The following TUBA3C variants were observed in gnomAD, a reference collection of about 807,000 sequenced individuals.
The protein encoded by TUBA3C is tubulin alpha 3c.
Under a neutral mutation model 33.4 loss-of-function variants are expected in TUBA3C, and 23 were observed. The observed-to-expected ratio is 0.69, with a 90% CI of 0.50 to 0.98. The LOEUF (loss-of-function observed/expected upper bound fraction) is 0.98. TUBA3C is among the 50% of genes least tolerant of loss of function. The pLI, the probability that TUBA3C is intolerant of heterozygous loss-of-function variation, is 0.00. For missense variants in TUBA3C, 402 were observed against 616.0 expected, an observed-to-expected ratio of 0.65 and a Z score of 3.68; for synonymous variants, 269 against 250.4, an observed-to-expected ratio of 1.07 and a Z score of -0.70.
In TUBA3C at chr13:19,181,594, C is replaced by G; in HGVS notation, c.3+151G>C. 8 of 1,145,628 alleles carry G rather than the reference C, an allele frequency of 7.0e-6. No individual in the cohort carries two copies. In the South Asian group the frequency reaches 1.0e-4, roughly 15 times the overall value. The allele number at this position is 1,145,628 out of a possible 1,614,324, so 71.0% of individuals were successfully genotyped here. On this transcript the variant is annotated intron_variant, in intron 1 of 4. Transcript: ENST00000400113. ...CAGACCCAGCAGACGATGCCGTGTC[C>G]TCGTGTCCCGCCCTGGGCCCCGCAT... is the stretch of plus-strand genomic sequence containing the variant.
At chr13:19,179,220 G>A in intron 2 of TUBA3C, 121 bp downstream of exon 2, 1 of 1,442,628 alleles carries the variant, frequency 6.9e-7, no homozygotes. Context: ...TAACACCATG[G>A]GAATATGCTT....
intron 4 of TUBA3C, among the ~76,000 whole-genome samples, 169 bp downstream of exon 4, chr13:19,176,758 A>AAAAAAAAAAAAAAAC (rs1869196961): frequency 6.9e-6 from 1 of 144,096 alleles, no homozygotes; most frequent in Non-Finnish European, 1.5e-5. Context: ...AAAAAAAAAA[A>AAAAAAAAAAAAAAAC]AGACATCACT....
At chr13:19,174,399 G>T (rs896211899) in intron 4 of TUBA3C, among the ~76,000 whole-genome samples, 1 of 151,336 alleles carries the variant, frequency 6.6e-6, no homozygotes, top group Non-Finnish European at 1.5e-5. Flanking sequence ...CTCCCAAAGT[G>T]CTAGGATTAC....
chr13:19,174,292 G>C (rs190363108), intron 4 of TUBA3C, 133 bp from the exon 5 acceptor site: 51 of 1,321,190 alleles, frequency 3.9e-5, no homozygotes, highest in Non-Finnish European at 5.1e-5. Flanking sequence ...ATGTCACTAA[G>C]CCCTTCTCTG....
intron 4 of TUBA3C, among the ~76,000 whole-genome samples, 162 bp from the exon 5 acceptor site, chr13:19,174,321 T>C (rs1869108109): frequency 6.6e-6 from 1 of 152,064 alleles, no homozygotes; most frequent in South Asian, 2.1e-4. Context: ...AGGGTGACAG[T>C]TCCAGACAAC....
intron 1 of TUBA3C, 83 bp downstream of exon 1, chr13:19,181,662 C>T: frequency 1.9e-6 from 3 of 1,583,440 alleles, no homozygotes; most frequent in East Asian, 2.2e-5. Flanking sequence ...GCAACAGCAT[C>T]CCTCCATCCA....
In TUBA3C at chr13:19,178,275, C is replaced by T. The variant is rs746010175; in HGVS notation, c.346G>A (p.Asp116Asn). ...TTGCGGATCCGGTCCAGGACCAGGT[C>T]GACGATCTCCTTGCCGATGGTGTAA... Reference protein sequence around the residue: ...GHYTIGKEIVDLVLDRIRKLA... With the variant: ...GHYTIGKEIVNLVLDRIRKLA... The change falls in exon 3 of 5, where the codon GAC becomes AAC. Residue 116 changes from aspartate to asparagine, a missense_variant. Coordinates refer to ENST00000400113, the MANE Select transcript of TUBA3C (RefSeq NM_006001.3). 1.2e-6 allele frequency: 2 copies of T among 1,614,152 alleles called. No homozygotes were observed. The highest frequency in any genetic ancestry group is 4.5e-5 in the East Asian group (2 of 44,880).
At chr13:19,181,178 G>C (rs888588363) in intron 1 of TUBA3C, among the ~76,000 whole-genome samples, 1 of 151,088 alleles carries the variant, frequency 6.6e-6, no homozygotes, top group Non-Finnish European at 1.5e-5. Flanking sequence ...TCAGCCTCCC[G>C]AGTAGCTGGA....
intron 4 of TUBA3C, among the ~76,000 whole-genome samples, chr13:19,176,107 G>A (rs1869170304): frequency 6.6e-6 from 1 of 151,114 alleles, no homozygotes; most frequent in South Asian, 2.1e-4. Flanking sequence ...GTGACAGGTG[G>A]GATTCTGTCT....
In TUBA3C at chr13:19,177,168, T is replaced by C; in HGVS notation, c.815A>G (p.Tyr272Cys). Residue 272 changes from tyrosine to cysteine, a missense_variant, in exon 4 of 5, where the codon TAC becomes TGC. Tyr to Cys is a radical substitution (Grantham distance 194, BLOSUM62 -2). Coordinates refer to ENST00000400113, the MANE Select transcript of TUBA3C (RefSeq NM_006001.3). The surrounding 1 kb of genome is among the most constrained non-coding windows in gnomAD (Gnocchi z 5.0). ...YPRIHFPLAT[Y>C]APVISAEKAY... ...CTTCTCGGCTGAGATGACCGGGGCG[T>C]AGGTGGCCAGGGGGAAGTGGATGCG... is the stretch of plus-strand genomic sequence containing the variant. 1 of 1,613,744 alleles carries C rather than the reference T, an allele frequency of 6.2e-7. No homozygotes were observed. Among genetic ancestry groups the C allele is most frequent in the South Asian group, 1.1e-5 (1 of 91,032 alleles).
At chr13:19,180,673 T>A (rs983748721) in intron 1 of TUBA3C, among the ~76,000 whole-genome samples, 3 of 151,958 alleles carry the variant, frequency 2.0e-5, no homozygotes, top group Admixed American at 6.6e-5. Context: ...TTTTTTGTAT[T>A]TTTAGTAGAG....
In TUBA3C at chr13:19,181,767, G is replaced by C; in HGVS notation, c.-20C>G. The stretch of plus-strand genomic sequence containing the variant: ...TACCATGTTGAGCTCCTCCGCTGCC[G>C]CAGCCCAACGCTACTACTTGACCTC... On this transcript the variant is annotated 5_prime_UTR_variant, in exon 1 of 5. Coordinates refer to ENST00000400113, the MANE Select transcript of TUBA3C (RefSeq NM_006001.3). 6.2e-7 allele frequency: 1 copy of C among 1,601,802 alleles called. No homozygotes were observed. Among genetic ancestry groups the C allele is most frequent in the East Asian group, 2.2e-5 (1 of 44,840 alleles).
At position 19,177,143 on chromosome 13, in the gene TUBA3C, CTT is replaced by C; in HGVS notation, c.838_839del (p.Lys280GlyfsTer10). ...CCACGGACAGCTGCTCGTGGTAGGC[CTT>C]CTCGGCTGAGATGACCGGGGCGTAG... ...ATYAPVISAE[K>X]AYHEQLSVAE... On this transcript the variant is annotated frameshift_variant, in exon 4 of 5. Coordinates refer to ENST00000400113, the MANE Select transcript of TUBA3C (RefSeq NM_006001.3). LOFTEE classifies it high-confidence loss of function. The surrounding 1 kb of genome is among the most constrained non-coding windows in gnomAD (Gnocchi z 5.0). The C allele has an allele frequency of 6.2e-7, 1 of 1,614,122 alleles. No homozygotes were observed. The highest frequency in any genetic ancestry group is 1.1e-5 in the South Asian group (1 of 91,068).
intron 2 of TUBA3C, among the ~76,000 whole-genome samples, chr13:19,179,069 A>AC (rs1221174717): frequency 6.6e-6 from 1 of 152,206 alleles, no homozygotes; most frequent in Non-Finnish European, 1.5e-5. Context: ...GGCCACCTGA[A>AC]CAGGGCTGAG....
In TUBA3C at chr13:19,177,009, G is replaced by A. The variant is rs572405672; in HGVS notation, c.974C>T (p.Pro325Leu). ...GGCGATGGCCGCGTTGACATCTTTCGGGACCACATCCCCCCTGTACAACAT... is the reference window on the plus strand; with the variant it reads ...GGCGATGGCCGCGTTGACATCTTTCAGGACCACATCCCCCCTGTACAACAT... ...CCMLYRGDVV[P>L]KDVNAAIATI... The change falls in exon 4 of 5, where the codon CCG becomes CTG. Residue 325 changes from proline (P) to leucine (L), a missense_variant. By Grantham distance (98) the Pro-to-Leu change is moderately conservative. Coordinates refer to ENST00000400113, the MANE Select transcript of TUBA3C (RefSeq NM_006001.3). This position sits in a 1 kb window ranked among gnomAD's most constrained non-coding sequence, Gnocchi z 5.0. 2 of 1,614,030 alleles carry A rather than the reference G, an allele frequency of 1.2e-6. No individual in the cohort carries two copies. The highest frequency in any genetic ancestry group is 1.1e-5 in the South Asian group (1 of 91,078).
chr13:19,176,066 G>A (rs1869169149), intron 4 of TUBA3C, among the ~76,000 whole-genome samples: 1 of 152,154 alleles, frequency 6.6e-6, no homozygotes, highest in Admixed American at 6.5e-5. Flanking sequence ...TTAGTGGAGA[G>A]CTGTGATCAC....
intron 4 of TUBA3C, among the ~76,000 whole-genome samples, chr13:19,176,573 G>A (rs1032753983): frequency 2.0e-5 from 3 of 151,780 alleles, no homozygotes; most frequent in African/African-American, 7.3e-5. Context: ...GGCCAACATG[G>A]CATAACCCTG....
intron 2 of TUBA3C, 40 bp from the exon 3 acceptor site, chr13:19,178,434 T>C: frequency 6.2e-7 from 1 of 1,608,932 alleles, no homozygotes; most frequent in Non-Finnish European, 8.5e-7. Context: ...CTTTAAGGCC[T>C]ATACTCACCA....
chr13:19,179,576 A>G lies in TUBA3C; in HGVS notation c.4-13T>C. On this transcript the variant is annotated splice_polypyrimidine_tract_variant and intron_variant, in intron 1 of 4. Transcript: ENST00000400113. ...AGATACACTCACGCTGTGAACCAGA[A>G]CATAAATGTAGACCCATTCATTTCA... 6.2e-7 allele frequency: 1 copy of G among 1,612,508 alleles called. No homozygotes were observed.
Sources: gnomAD v4.1 joint callset for allele counts (sites outside exome capture counted in the v4.1 genomes callset) on GRCh38, gnomAD v4.1.1 for gene constraint, Gnocchi (gnomAD v3.1) non-coding constraint, MANE v1.5 for transcripts, NCBI Gene and HGNC (gene_info 2026-07-23, HGNC 2026-07-21) for gene names.